SLC26A5: variants seen among roughly 807,000 people sequenced by gnomAD.
SLC26A5 encodes the protein prestin.
Under a neutral mutation model 81.0 loss-of-function variants are expected in SLC26A5, and 51 were observed. That is an observed-to-expected ratio of 0.63 (90% confidence interval 0.50 to 0.80). SLC26A5 has a LOEUF of 0.80. Ranked by LOEUF, SLC26A5 falls within the 30% of genes least tolerant of loss-of-function variation. SLC26A5 has a pLI of 0.00. For synonymous variants in SLC26A5, 325 were observed against 332.8 expected, an observed-to-expected ratio of 0.98 and a Z score of 0.25; for missense variants, 771 against 905.8, an observed-to-expected ratio of 0.85 and a Z score of 1.91.
chr7:103,386,323 T>G (rs1264438077), intron 14 of SLC26A5, among the ~76,000 whole-genome samples: 2 of 151,874 alleles, frequency 1.3e-5, no homozygotes, highest in African/African-American at 4.8e-5. Context: ...ATCCCAGCAC[T>G]TTGGGAGTCC....
chr7:103,405,292 G>A (rs1448407759), intron 8 of SLC26A5, among the ~76,000 whole-genome samples: 1 of 152,120 alleles, frequency 6.6e-6, no homozygotes, highest in Non-Finnish European at 1.5e-5. Context: ...TCAGCTTTTT[G>A]CATTGGTTTT....
At chr7:103,368,167 A>ATATC in intron 19 of SLC26A5, 1 of 911,936 alleles carries the variant, frequency 1.1e-6, no homozygotes, top group South Asian at 2.1e-5. Context: ...GCTTTTTTCC[A>ATATC]TATCTCTTCT....
chr7:103,371,783 C>T (rs539972378), downstream of SLC26A5, among the ~76,000 whole-genome samples: 3 of 151,028 alleles, frequency 2.0e-5, no homozygotes, highest in African/African-American at 7.3e-5. Context: ...GCAACCTCCG[C>T]CTCCTGGGTT....
At chr7:103,381,276 C>A (rs1048971180) in intron 14 of SLC26A5, among the ~76,000 whole-genome samples, 2 of 151,064 alleles carry the variant, frequency 1.3e-5, no homozygotes, top group Non-Finnish European at 3.0e-5. Flanking sequence ...ACCCACATAC[C>A]ACACACACAT....
At chr7:103,398,477 C>A (rs1468608514) in intron 8 of SLC26A5, among the ~76,000 whole-genome samples, 1 of 152,128 alleles carries the variant, frequency 6.6e-6, no homozygotes, top group Non-Finnish European at 1.5e-5. Context: ...GGGACAGCAG[C>A]CCTAAGTGTG....
At chr7:103,360,731 C>T (rs143903850) in intron 19 of SLC26A5, among the ~76,000 whole-genome samples, 178 of 152,226 alleles carry the variant, frequency 1.2e-3, no homozygotes, top group African/African-American at 4.0e-3. Context: ...AGGGGAAAGG[C>T]GGTTGACTAT....
intron 2 of SLC26A5, among the ~76,000 whole-genome samples, chr7:103,430,913 T>A (rs764331517): frequency 7.9e-5 from 12 of 152,196 alleles, no homozygotes; most frequent in Non-Finnish European, 1.2e-4. Context: ...TCAAAATCAC[T>A]CTACCACGGA....
intron 19 of SLC26A5, among the ~76,000 whole-genome samples, chr7:103,356,079 T>G (rs1820015792): frequency 6.6e-6 from 1 of 152,098 alleles, no homozygotes; most frequent in South Asian, 2.1e-4. Context: ...TCCTCAAACG[T>G]AACTACTGAA....
At position 103,425,084 on chromosome 7, in the gene SLC26A5, A is replaced by G. The variant is rs78691627; in HGVS notation, c.-53-3517T>C. Reference sequence around the variant, plus strand: ...TAAGAGTCCTTCGGCTATCCCCAACATCAGGAATTCCTCGTGACACCCGTG... The same window carrying G: ...TAAGAGTCCTTCGGCTATCCCCAACGTCAGGAATTCCTCGTGACACCCGTG... On this transcript the variant is annotated intron_variant, in intron 2 of 19. Transcript: ENST00000306312. Among the ~76,000 whole-genome samples, 120 of 152,320 alleles carry G rather than the reference A, an allele frequency of 7.9e-4. 3 individuals are homozygous for G. In the East Asian group the frequency reaches 0.023, roughly 29 times the overall value.
At chr7:103,371,039 T>G (rs993676351), downstream of SLC26A5, among the ~76,000 whole-genome samples, 3 of 152,354 alleles carry the variant, frequency 2.0e-5, no homozygotes, top group African/African-American at 7.2e-5. Flanking sequence ...GGCTTATATA[T>G]TATTTCCTTG....
intron 8 of SLC26A5, among the ~76,000 whole-genome samples, chr7:103,400,438 T>C (rs1056839192): frequency 1.3e-5 from 2 of 152,242 alleles, no homozygotes; most frequent in Non-Finnish European, 2.9e-5. Context: ...TGTAAATTTG[T>C]TTAAGTTCCT....
chr7:103,367,201 A>C lies in SLC26A5; in HGVS notation c.2041+9607T>G, dbSNP rs1204407719. On this transcript the variant is annotated intron_variant, in intron 19 of 19. Coordinates refer to the SLC26A5 transcript ENST00000339444. This position sits in a 1 kb window ranked among gnomAD's most constrained non-coding sequence, Gnocchi z 6.1. ...CCCATAGGCAGTTTAAAAAACGTTA[A>C]GTAAATCTGTGATGAATACTTTTGA... Among the ~76,000 whole-genome samples, 1 of 152,172 alleles carries C rather than the reference A, an allele frequency of 6.6e-6. No homozygotes were observed. Among genetic ancestry groups the C allele is most frequent in the Non-Finnish European group, 1.5e-5 (1 of 68,046 alleles).
At chr7:103,362,668 TC>T in intron 19 of SLC26A5, 1 of 1,583,548 alleles carries the variant, frequency 6.3e-7, no homozygotes, top group South Asian at 1.1e-5. Flanking sequence ...TTAATGACTA[TC>T]TTTTTTACTT....
chr7:103,431,795 C>T lies in SLC26A5; in HGVS notation c.-53-10228G>A, dbSNP rs7783114. 7.2e-3 allele frequency among the ~76,000 whole-genome samples: 1,092 copies of T among 152,264 alleles called. 11 individuals carry two copies. The highest frequency in any genetic ancestry group is 0.025 in the African/African-American group (1,050 of 41,556). On this transcript the variant is annotated intron_variant, in intron 2 of 19. Coordinates refer to ENST00000306312, the MANE Select transcript of SLC26A5 (RefSeq NM_198999.3). ...GACATTAAATGCTAGTAGCATTCTC[C>T]ATCCACAGGATACACTTCCCAATCT...
intron 19 of SLC26A5, among the ~76,000 whole-genome samples, chr7:103,357,884 T>C (rs1354173584): frequency 6.6e-6 from 1 of 152,232 alleles, no homozygotes; most frequent in African/African-American, 2.4e-5. Context: ...CTCTCAGTTA[T>C]ACCTTAGTTG....
At chr7:103,355,269 T>C (rs1166316741) in intron 19 of SLC26A5, among the ~76,000 whole-genome samples, 2 of 152,020 alleles carry the variant, frequency 1.3e-5, no homozygotes, top group African/African-American at 2.4e-5. Flanking sequence ...TCTCACAACA[T>C]AGTTTTGCTT....
Position 103,376,863 on chromosome 7 carries a change from CT to C in SLC26A5, c.1987-2del. On this transcript the variant is annotated splice_acceptor_variant, in intron 18 of 19. Coordinates refer to ENST00000306312, the MANE Select transcript of SLC26A5 (RefSeq NM_198999.3). LOFTEE classifies it high-confidence loss of function. Reference sequence around the variant, plus strand: ...CGACGTCTCCATATTCTTTTACAATCTGTAATAATGTTGAAATAAAATTTAG... The same window carrying C: ...CGACGTCTCCATATTCTTTTACAATCGTAATAATGTTGAAATAAAATTTAG... 6.3e-7 allele frequency: 1 copy of C among 1,588,678 alleles called. No individual in the cohort carries two copies. The highest frequency in any genetic ancestry group is 8.6e-7 in the Non-Finnish European group (1 of 1,157,360).
intron 19 of SLC26A5, among the ~76,000 whole-genome samples, chr7:103,366,721 T>C (rs934009658): frequency 1.3e-5 from 2 of 152,262 alleles, no homozygotes; most frequent in African/African-American, 4.8e-5. Context: ...ATTTAATTGA[T>C]GGTGGTTTTT....
chr7:103,416,123 A>T (rs1478953933), intron 4 of SLC26A5, among the ~76,000 whole-genome samples: 1 of 152,112 alleles, frequency 6.6e-6, no homozygotes, highest in Non-Finnish European at 1.5e-5. Flanking sequence ...TTTGTTTCAT[A>T]GATTCAATGT....
Sources: allele counts gnomAD v4.1 joint callset (sites outside exome capture counted in the v4.1 genomes callset), GRCh38; gene constraint gnomAD v4.1.1; non-coding constraint Gnocchi (gnomAD v3.1); transcripts MANE v1.5; gene names NCBI Gene and HGNC (gene_info 2026-07-23, HGNC 2026-07-21).